ADGRL3: variants seen among roughly 807,000 people sequenced by gnomAD.
ADGRL3 encodes adhesion G protein-coupled receptor L3.
Under a neutral mutation model 153.5 loss-of-function variants are expected in ADGRL3, and 62 were observed. That is an observed-to-expected ratio of 0.40 (90% CI 0.33 to 0.50). The LOEUF is 0.50. Ranked by LOEUF, ADGRL3 falls within the 20% of genes least tolerant of loss-of-function variation. The probability of loss-of-function intolerance (pLI) is 0.47; values close to 1 mark genes in which losing one functional copy is unlikely to be tolerated. For synonymous variants in ADGRL3, 710 were observed against 672.5 expected (o/e 1.06, Z -0.86); for missense variants, 1,641 against 1,859.4 (o/e 0.88, Z 2.16).
rs1311558600 is a variant in ADGRL3 at position 62,075,722 on chromosome 4, C to A, written c.*4814C>A. On this transcript the variant is annotated 3_prime_UTR_variant, in exon 27 of 27. Coordinates refer to ENST00000683033, the MANE Select transcript of ADGRL3 (RefSeq NM_001387552.1). Reference sequence around the variant, plus strand: ...ACAAAAGCAAAGCAGCAACATTGCACAATAGCTTATGGAAGCATTTTTGTG... The same window carrying A: ...ACAAAAGCAAAGCAGCAACATTGCAAAATAGCTTATGGAAGCATTTTTGTG... 1 of 152,020 alleles carries A rather than the reference C, an allele frequency of 6.6e-6. No individual in the cohort carries two copies. The highest frequency in any genetic ancestry group is 1.5e-5 in the Non-Finnish European group (1 of 68,020). The allele number at this position is 152,020 out of a possible 1,614,324, so 9.4% of individuals were successfully genotyped here. A position where few individuals can be genotyped will look rare whatever the true frequency, so the allele number is the denominator to read the frequency against.
At chr4:61,952,384 T>C (rs1257483088) in intron 17 of ADGRL3, among the ~76,000 whole-genome samples, 1 of 149,856 alleles carries the variant, frequency 6.7e-6, no homozygotes, top group African/African-American at 2.5e-5. Context: ...GAGGTTGAGG[T>C]GGGAGGATTG....
intron 4 of ADGRL3, among the ~76,000 whole-genome samples, chr4:61,546,212 T>A (rs1434198665): frequency 1.3e-5 from 2 of 152,228 alleles, no homozygotes; most frequent in African/African-American, 4.8e-5. Context: ...TTAACTTTAC[T>A]CTTCGGATGA....
chr4:62,006,546 GA>G (rs1449490994), intron 21 of ADGRL3, among the ~76,000 whole-genome samples: 4 of 150,246 alleles, frequency 2.7e-5, no homozygotes, highest in Non-Finnish European at 5.9e-5. Flanking sequence ...AGTGAAAGCT[GA>G]AGATACAATT....
Position 61,749,854 on chromosome 4 carries a change from TATA to T in ADGRL3, c.1399+16311_1399+16313del, listed in dbSNP as rs563364262. ...TACACATGTACCCTAAAACTTAAAG[TATA>T]ATAATAATAAAATAAAAATAAGAAT... On this transcript the variant is annotated intron_variant, in intron 8 of 26. Transcript: ENST00000683033. 2.1e-3 allele frequency among the ~76,000 whole-genome samples: 312 copies of T among 151,292 alleles called. 8 individuals are homozygous for T. Among genetic ancestry groups the T allele is most frequent in the African/African-American group, 7.2e-3 (296 of 41,108 alleles).
intron 13 of ADGRL3, among the ~76,000 whole-genome samples, chr4:61,930,867 T>A (rs2098815014): frequency 2.6e-5 from 4 of 152,100 alleles, no homozygotes; most frequent in Non-Finnish European, 5.9e-5. Context: ...ATGAGTCTTA[T>A]GTTGAGCTTA....
chr4:62,067,008 T>TTAAGGAATGAGCCATAA (rs1743308423), intron 25 of ADGRL3, among the ~76,000 whole-genome samples: 1 of 152,094 alleles, frequency 6.6e-6, no homozygotes. Flanking sequence ...ATGCTTTCAT[T>TTAAGGAATGAGCCATAA]TAAGGAATGA....
intron 9 of ADGRL3, among the ~76,000 whole-genome samples, chr4:61,828,601 A>G (rs983649037): frequency 6.6e-6 from 1 of 152,162 alleles, no homozygotes; most frequent in African/African-American, 2.4e-5. Flanking sequence ...TTTTCTTTAT[A>G]AAATCGACCC....
intron 4 of ADGRL3, among the ~76,000 whole-genome samples, chr4:61,542,241 T>G (rs1263971120): frequency 6.6e-6 from 1 of 152,184 alleles, no homozygotes; most frequent in Non-Finnish European, 1.5e-5. Flanking sequence ...TCATAGTTAA[T>G]GGGCTGAGAC....
chr4:61,212,291 A>G (rs1740438393), intron 1 of ADGRL3: 1 of 152,198 alleles, frequency 6.6e-6, no homozygotes, highest in Non-Finnish European at 1.5e-5. Context: ...GAGACATCTA[A>G]TTATTTTACA....
chr4:61,939,270 A>G (rs1007202908), intron 15 of ADGRL3, among the ~76,000 whole-genome samples: 2 of 152,168 alleles, frequency 1.3e-5, no homozygotes, highest in Non-Finnish European at 2.9e-5. Flanking sequence ...ACTAAAATAT[A>G]CATTTAGCTT....
chr4:61,759,836 C>G (rs373883543), intron 8 of ADGRL3, among the ~76,000 whole-genome samples: 1 of 152,138 alleles, frequency 6.6e-6, no homozygotes, highest in Non-Finnish European at 1.5e-5. Context: ...TGACAACATA[C>G]AGATGGGGAT....
At chr4:61,966,917 C>T (rs2099008982) in intron 17 of ADGRL3, among the ~76,000 whole-genome samples, 1 of 152,072 alleles carries the variant, frequency 6.6e-6, no homozygotes, top group Admixed American at 6.6e-5. Flanking sequence ...TATAGGCAAG[C>T]ATTTGTGGAC....
chr4:61,804,318 A>G (rs575245452), intron 8 of ADGRL3, among the ~76,000 whole-genome samples: 3 of 152,258 alleles, frequency 2.0e-5, no homozygotes, highest in South Asian at 4.1e-4. Flanking sequence ...ATGCTGTCAA[A>G]TCTTGCTGGG....
intron 4 of ADGRL3, among the ~76,000 whole-genome samples, chr4:61,528,577 C>T (rs2098591283): frequency 6.6e-6 from 1 of 152,060 alleles, no homozygotes. Flanking sequence ...GCCTACCATA[C>T]TGAGTAAGCT....
At chr4:61,866,958 A>G (rs2098404102) in intron 9 of ADGRL3, among the ~76,000 whole-genome samples, 1 of 152,166 alleles carries the variant, frequency 6.6e-6, no homozygotes, top group Admixed American at 6.5e-5. Context: ...CAATAAGCAC[A>G]GTAAAGATTA....
chr4:61,515,662 A>G (rs1252880171), intron 3 of ADGRL3, among the ~76,000 whole-genome samples: 5 of 152,164 alleles, frequency 3.3e-5, no homozygotes, highest in Non-Finnish European at 5.9e-5. Flanking sequence ...TGAGGATAAA[A>G]TCTTTCAATT....
intron 8 of ADGRL3, among the ~76,000 whole-genome samples, chr4:61,755,165 C>T (rs1014733534): frequency 2.0e-5 from 3 of 152,116 alleles, no homozygotes; most frequent in African/African-American, 7.2e-5. Flanking sequence ...AATGGTATTT[C>T]TAGTTCTAGA....
At chr4:61,428,284 T>C (rs1439991374) in intron 2 of ADGRL3, 1 of 152,418 alleles carries the variant, frequency 6.6e-6, no homozygotes, top group Non-Finnish European at 1.5e-5. Flanking sequence ...CAGAGCCAGG[T>C]GGTGAGCCCA....
At chr4:61,222,591 CA>C (rs201469144) in intron 1 of ADGRL3, among the ~76,000 whole-genome samples, 4 of 151,340 alleles carry the variant, frequency 2.6e-5, no homozygotes, top group East Asian at 1.9e-4. Flanking sequence ...GGCATAAGGC[CA>C]AAAAAAATGT....
Sources: gnomAD v4.1 joint callset for allele counts (sites outside exome capture counted in the v4.1 genomes callset) on GRCh38, gnomAD v4.1.1 for gene constraint, MANE v1.5 for transcripts, NCBI Gene and HGNC (gene_info 2026-07-23, HGNC 2026-07-21) for gene names.